Variants in DDHD1 observed in about 807,000 individuals in gnomAD.
DDHD1 encodes phospholipase DDHD1.
A neutral mutation model predicts 96.4 loss-of-function variants in DDHD1; 49 were observed. The ratio of observed to expected loss-of-function variants is 0.51; its 90% CI spans 0.40 to 0.64. The LOEUF (loss-of-function observed/expected upper bound fraction) is 0.64, where lower values mean the gene tolerates loss of function less well. Among genes scored for constraint, DDHD1 ranks in the 30% least tolerant of loss-of-function variants. The pLI, the probability that DDHD1 is intolerant of heterozygous loss-of-function variation, is 0.00. For missense variants in DDHD1, 1,106 were observed against 1,161.2 expected (o/e 0.95, Z 0.69); for synonymous variants, 442 against 446.5 (o/e 0.99, Z 0.13).
In DDHD1 at chr14:53,042,271, A is replaced by C. The variant is rs1249834440; in HGVS notation, c.*4497T>G. ...GTAAGGGAGATTTTTGAATTTGTCAATTCCTAAACTTAGTTTCTGACATGA... is the reference window on the plus strand; with the variant it reads ...GTAAGGGAGATTTTTGAATTTGTCACTTCCTAAACTTAGTTTCTGACATGA... On this transcript the variant is annotated 3_prime_UTR_variant, in exon 13 of 13. Coordinates refer to ENST00000673822, the MANE Select transcript of DDHD1 (RefSeq NM_001160148.2). 6.6e-6 allele frequency: 1 copy of C among 152,216 alleles called. No individual in the cohort carries two copies. Among genetic ancestry groups the C allele is most frequent in the African/African-American group, 2.4e-5 (1 of 41,456 alleles). 9.4% of individuals were successfully genotyped at this position (152,216 alleles called of 1,614,324 possible). A position where few individuals can be genotyped will look rare whatever the true frequency, so the allele number is the denominator to read the frequency against.
Position 53,058,525 on chromosome 14 carries a change from T to C in DDHD1, c.1944A>G (p.Arg648=). Residue 648 remains arginine (R), a synonymous_variant, in exon 9 of 13, where the codon AGA becomes AGG. Coordinates refer to ENST00000673822, the MANE Select transcript of DDHD1 (RefSeq NM_001160148.2). ...NTGSQDHILP[R]EICNRLLNIF... is the part of the protein sequence containing the mutation. ...TATTTAGTAACCGGTTACAAATCTC[T>C]CTAGGCAAAATATGGTCTTGACTTC... is the stretch of plus-strand genomic sequence containing the variant. 6.2e-7 allele frequency: 1 copy of C among 1,613,874 alleles called. No homozygotes were observed. The highest frequency in any genetic ancestry group is 8.5e-7 in the Non-Finnish European group (1 of 1,179,946).
At chr14:53,122,269 T>C (rs1889052943) in intron 1 of DDHD1, among the ~76,000 whole-genome samples, 1 of 152,168 alleles carries the variant, frequency 6.6e-6, no homozygotes, top group Non-Finnish European at 1.5e-5. Flanking sequence ...CATAGTGAAA[T>C]GTCACCTGCT....
intron 1 of DDHD1, among the ~76,000 whole-genome samples, chr14:53,130,514 C>T (rs111514544): frequency 2.1e-3 from 319 of 152,206 alleles, no homozygotes; most frequent in African/African-American, 7.4e-3. Context: ...TAATTAACCT[C>T]GCCTTCAAAG....
At chr14:53,088,533 C>T (rs182055495) in intron 4 of DDHD1, among the ~76,000 whole-genome samples, 3 of 152,204 alleles carry the variant, frequency 2.0e-5, no homozygotes, top group African/African-American at 7.2e-5. Context: ...AATCAATAAA[C>T]GTAATCCATC....
chr14:53,149,735 T>C (rs1891221433), intron 1 of DDHD1: 1 of 152,210 alleles, frequency 6.6e-6, no homozygotes. Flanking sequence ...ATTGGCCTAA[T>C]GGCTATTTGC....
chr14:53,107,520 G>A (rs74244479), intron 1 of DDHD1, among the ~76,000 whole-genome samples: 1 of 152,206 alleles, frequency 6.6e-6, no homozygotes, highest in African/African-American at 2.4e-5. Flanking sequence ...GCTGGATACA[G>A]TGGCTAATGC....
intron 8 of DDHD1, 89 bp downstream of exon 8, chr14:53,061,037 A>G (rs1450942897): frequency 8.7e-7 from 1 of 1,146,420 alleles, no homozygotes; most frequent in African/African-American, 1.6e-5. Flanking sequence ...AGAACAATAA[A>G]CTTTCATTTG....
intron 4 of DDHD1, among the ~76,000 whole-genome samples, chr14:53,081,763 C>A (rs1184897333): frequency 1.3e-5 from 2 of 152,082 alleles, no homozygotes; most frequent in African/African-American, 4.8e-5. Flanking sequence ...ATCCTTCACT[C>A]CACAGGATCG....
At chr14:53,106,129 C>T (rs192845178) in intron 1 of DDHD1, among the ~76,000 whole-genome samples, 68 of 152,214 alleles carry the variant, frequency 4.5e-4, no homozygotes, top group African/African-American at 1.6e-3. Flanking sequence ...TTTGTTCACC[C>T]ACTTATTTTT....
chr14:53,060,453 T>C (rs754210030), intron 8 of DDHD1, among the ~76,000 whole-genome samples: 39 of 152,336 alleles, frequency 2.6e-4, no homozygotes, highest in Non-Finnish European at 4.4e-4. Flanking sequence ...CTGTATATTA[T>C]AGCTAAACTA....
In DDHD1 at chr14:53,088,327, A is replaced by G. The variant is rs551723781; in HGVS notation, c.1289+3458T>C. Among the ~76,000 whole-genome samples, 487 of 152,312 alleles carry G rather than the reference A, an allele frequency of 3.2e-3. 2 individuals carry two copies. The highest frequency in any genetic ancestry group is 0.011 in the African/African-American group (470 of 41,554). On this transcript the variant is annotated intron_variant, in intron 4 of 12. Transcript: ENST00000673822. ...CTCCCTAACTCATTTTATGAGGCCA[A>G]CATCATCCTGATACCAAGGCCTGGC...
intron 1 of DDHD1, among the ~76,000 whole-genome samples, chr14:53,106,856 A>G (rs1390395552): frequency 1.3e-5 from 2 of 152,136 alleles, no homozygotes. Flanking sequence ...TTATTTCTGA[A>G]AAGTGTTGAG....
intron 1 of DDHD1, among the ~76,000 whole-genome samples, chr14:53,129,136 G>T (rs1304779408): frequency 6.6e-6 from 1 of 152,170 alleles, no homozygotes. Flanking sequence ...CTCACACAAA[G>T]CCTGTTGGTG....
Position 53,046,745 on chromosome 14 carries a change from C to A in DDHD1, c.*23G>T, listed in dbSNP as rs1882038101. On this transcript the variant is annotated 3_prime_UTR_variant, in exon 13 of 13. Transcript: ENST00000673822. Reference sequence around the variant, plus strand: ...GGAAAAAAAAAAAATCAGTTTTAGGCCATTCATGTCCTTCAAGAGAGTTCA... The same window carrying A: ...GGAAAAAAAAAAAATCAGTTTTAGGACATTCATGTCCTTCAAGAGAGTTCA... 3 of 1,442,728 alleles carry A rather than the reference C, an allele frequency of 2.1e-6. No homozygotes were observed. The highest frequency in any genetic ancestry group is 2.1e-5 in the African/African-American group (1 of 48,186). 89.4% of individuals were successfully genotyped at this position (1,442,728 alleles called of 1,614,324 possible).
chr14:53,067,989 T>G (rs1884185788), intron 6 of DDHD1, among the ~76,000 whole-genome samples: 1 of 152,206 alleles, frequency 6.6e-6, no homozygotes, highest in South Asian at 2.1e-4. Flanking sequence ...TTCTTCATTG[T>G]ATATTTTCTA....
rs139577376 is a variant in DDHD1, at chr14:53,088,296, G to A, written c.1289+3489C>T. Reference sequence around the variant, plus strand: ...ACCATTGCAGTCAACAGAAAAAGAGGGAATCCTCCCTAACTCATTTTATGA... The same window carrying A: ...ACCATTGCAGTCAACAGAAAAAGAGAGAATCCTCCCTAACTCATTTTATGA... On this transcript the variant is annotated intron_variant, in intron 4 of 12. Coordinates refer to ENST00000673822, the MANE Select transcript of DDHD1 (RefSeq NM_001160148.2). 9.6e-4 allele frequency among the ~76,000 whole-genome samples: 146 copies of A among 152,196 alleles called. 3 individuals are homozygous for A. Among genetic ancestry groups the A allele is most frequent in the African/African-American group, 3.3e-3 (139 of 41,512 alleles).
At chr14:53,088,297 G>A (rs190142548) in intron 4 of DDHD1, among the ~76,000 whole-genome samples, 53 of 152,246 alleles carry the variant, frequency 3.5e-4, no homozygotes, top group Admixed American at 5.2e-4. Context: ...GAAAAAGAGG[G>A]AATCCTCCCT....
intron 3 of DDHD1, 121 bp from the exon 4 acceptor site, chr14:53,092,053 G>A: frequency 2.1e-6 from 2 of 931,476 alleles, no homozygotes; most frequent in South Asian, 3.7e-5. Flanking sequence ...TGGCTGTGGG[G>A]GAGGAAATAA....
At chr14:53,110,650 T>A (rs1888033439) in intron 1 of DDHD1, among the ~76,000 whole-genome samples, 1 of 152,230 alleles carries the variant, frequency 6.6e-6, no homozygotes, top group South Asian at 2.1e-4. Flanking sequence ...AGGTGTTATG[T>A]CTTCATACAT....
Sources: gnomAD v4.1 joint callset for allele counts (sites outside exome capture counted in the v4.1 genomes callset) on GRCh38, gnomAD v4.1.1 for gene constraint, MANE v1.5 for transcripts, NCBI Gene and HGNC (gene_info 2026-07-23, HGNC 2026-07-21) for gene names.